The following ARHGAP26 variants were observed in gnomAD, a reference collection of about 807,000 sequenced individuals.
The protein encoded by ARHGAP26 is Rho GTPase activating protein 26, also known as rho GTPase-activating protein 26.
A neutral mutation model predicts 104.8 loss-of-function variants in ARHGAP26; 38 were observed. That is an observed-to-expected ratio of 0.36 (90% CI 0.28 to 0.48). The LOEUF (loss-of-function observed/expected upper bound fraction) is 0.48. ARHGAP26 is among the 20% of genes least tolerant of loss of function. The pLI, the probability that ARHGAP26 is intolerant of heterozygous loss-of-function variation, is 0.99. For synonymous variants in ARHGAP26, 341 were observed against 340.0 expected, an observed-to-expected ratio of 1.00 and a Z score of -0.03; for missense variants, 704 against 947.9, an observed-to-expected ratio of 0.74 and a Z score of 3.38.
intron 18 of ARHGAP26, among the ~76,000 whole-genome samples, chr5:143,121,679 T>G (rs1796152348): frequency 6.6e-6 from 1 of 152,254 alleles, no homozygotes; most frequent in African/African-American, 2.4e-5. Context: ...CTTTATGGTC[T>G]GTCTTTTCTT....
In ARHGAP26 at chr5:142,839,314, A is replaced by T. The variant is rs768038247; in HGVS notation, c.155-34086A>T. On this transcript the variant is annotated intron_variant, in intron 1 of 22. Coordinates refer to ENST00000645722, the MANE Select transcript of ARHGAP26 (RefSeq NM_001135608.3). Reference sequence around the variant, plus strand: ...GTGCCTGGCACATAGCAAGCACTTTACAAGTGTTAGTTATAATAACCCCAT... The same window carrying T: ...GTGCCTGGCACATAGCAAGCACTTTTCAAGTGTTAGTTATAATAACCCCAT... Among the ~76,000 whole-genome samples, 75 of 152,190 alleles carry T rather than the reference A, an allele frequency of 4.9e-4. 1 individual carries two copies. Among genetic ancestry groups the T allele is most frequent in the Non-Finnish European group, 4.3e-4 (29 of 68,034 alleles).
At position 143,087,636 on chromosome 5, in the gene ARHGAP26, C is replaced by CTTTTTTTTTTTTTTTTTTTTTTTT. The variant is rs35201189; in HGVS notation, c.1538+29892_1538+29915dup. On this transcript the variant is annotated intron_variant, in intron 17 of 22. Transcript: ENST00000645722. ...CTCATCTAATTAACCCTGGCCCATT[C>CTTTTTTTTTTTTTTTTTTTTTTTT]TTTTTTTTTTTTTTTTTTTTTTTTT... is the stretch of plus-strand genomic sequence containing the variant. Among the ~76,000 whole-genome samples, 5 of 51,566 alleles carry CTTTTTTTTTTTTTTTTTTTTTTTT rather than the reference C, an allele frequency of 9.7e-5. 2 individuals are homozygous for CTTTTTTTTTTTTTTTTTTTTTTTT. Among genetic ancestry groups the CTTTTTTTTTTTTTTTTTTTTTTTT allele is most frequent in the African/African-American group, 2.3e-4 (3 of 12,782 alleles). The allele number at this position is 51,566 out of a possible 152,430, so 33.8% of individuals were successfully genotyped here. A position where few individuals can be genotyped will look rare whatever the true frequency, so the allele number is the denominator to read the frequency against.
At chr5:143,007,039 A>G (rs1161549026) in intron 11 of ARHGAP26, among the ~76,000 whole-genome samples, 3 of 151,872 alleles carry the variant, frequency 2.0e-5, no homozygotes, top group Non-Finnish European at 2.9e-5. Context: ...GTGAAACCCC[A>G]TCTCTACTAA....
chr5:142,912,687 A>G (rs917398180), intron 9 of ARHGAP26, among the ~76,000 whole-genome samples: 7 of 152,186 alleles, frequency 4.6e-5, no homozygotes, highest in African/African-American at 1.4e-4. Flanking sequence ...CCTGTGGTCT[A>G]ATGGAGAGAG....
intron 11 of ARHGAP26, among the ~76,000 whole-genome samples, chr5:142,962,180 C>CTGG (rs1770369779): frequency 1.3e-5 from 2 of 152,206 alleles, no homozygotes; most frequent in Non-Finnish European, 2.9e-5. Flanking sequence ...ATTTCATGCC[C>CTGG]TACTGAAATG....
At chr5:143,208,693 G>A (rs140224095) in intron 21 of ARHGAP26, among the ~76,000 whole-genome samples, 4 of 152,290 alleles carry the variant, frequency 2.6e-5, no homozygotes, top group South Asian at 2.1e-4. Context: ...CTCCAAACAC[G>A]TGGGTAACCC....
intron 6 of ARHGAP26, among the ~76,000 whole-genome samples, chr5:142,897,216 A>G (rs1053558443): frequency 1.3e-5 from 2 of 152,190 alleles, no homozygotes. Flanking sequence ...AAGTATAACC[A>G]TCGTAGTGTG....
intron 1 of ARHGAP26, chr5:142,868,792 G>A (rs1240608927): frequency 6.6e-6 from 1 of 152,344 alleles, no homozygotes; most frequent in Non-Finnish European, 1.5e-5. Flanking sequence ...TGGGGGTGTG[G>A]GCTAAACCTG....
intron 11 of ARHGAP26, among the ~76,000 whole-genome samples, chr5:142,958,991 T>TA (rs1371116826): frequency 6.6e-6 from 1 of 151,776 alleles, no homozygotes; most frequent in Non-Finnish European, 1.5e-5. Flanking sequence ...TCTAATGTAA[T>TA]AAGGAATTAT....
intron 9 of ARHGAP26, among the ~76,000 whole-genome samples, chr5:142,912,958 G>A (rs1036110587): frequency 1.1e-4 from 16 of 152,178 alleles, no homozygotes; most frequent in African/African-American, 3.9e-4. Flanking sequence ...GACAGATGCG[G>A]TGCCATCATG....
chr5:142,969,840 C>T (rs2152695484), intron 11 of ARHGAP26, among the ~76,000 whole-genome samples: 1 of 152,248 alleles, frequency 6.6e-6, no homozygotes, highest in Middle Eastern at 3.4e-3. Flanking sequence ...CTGTGTTTGC[C>T]TTCCCTTCCT....
intron 17 of ARHGAP26, among the ~76,000 whole-genome samples, chr5:143,118,849 T>C (rs1212836055): frequency 6.6e-6 from 1 of 151,042 alleles, no homozygotes; most frequent in African/African-American, 2.4e-5. Context: ...AAATGACGAG[T>C]TAATGGGTGC....
intron 17 of ARHGAP26, among the ~76,000 whole-genome samples, chr5:143,090,042 G>T (rs1249771142): frequency 6.6e-6 from 1 of 152,230 alleles, no homozygotes; most frequent in East Asian, 1.9e-4. Context: ...ATGAGCTCTT[G>T]AAAATTCTTA....
chr5:143,123,832 G>C (rs915176697), intron 18 of ARHGAP26, among the ~76,000 whole-genome samples: 3 of 152,118 alleles, frequency 2.0e-5, no homozygotes, highest in African/African-American at 7.2e-5. Context: ...CTCCAACCTG[G>C]GTGACAGTGA....
At chr5:143,210,954 T>A (rs1809368356) in intron 21 of ARHGAP26, among the ~76,000 whole-genome samples, 1 of 152,218 alleles carries the variant, frequency 6.6e-6, no homozygotes, top group Non-Finnish European at 1.5e-5. Flanking sequence ...TGAGATATAC[T>A]GTGGAGAATA....
chr5:143,216,996 G>T (rs1321062030), intron 22 of ARHGAP26, among the ~76,000 whole-genome samples: 1 of 152,078 alleles, frequency 6.6e-6, no homozygotes, highest in Non-Finnish European at 1.5e-5. Context: ...TGGGTGGGGT[G>T]GGGGGTCTTT....
At chr5:142,984,316 C>A (rs1429836729) in intron 11 of ARHGAP26, among the ~76,000 whole-genome samples, 1 of 152,142 alleles carries the variant, frequency 6.6e-6, no homozygotes, top group African/African-American at 2.4e-5. Context: ...AATCTTGCTC[C>A]CACATATCAA....
intron 1 of ARHGAP26, among the ~76,000 whole-genome samples, chr5:142,858,090 TGTGTGA>T (rs1352150996): frequency 4.4e-4 from 60 of 137,156 alleles, no homozygotes; most frequent in East Asian, 2.0e-3. Flanking sequence ...TGTGTGTGTG[TGTGTGA>T]GAGAGAGAGA....
chr5:142,860,094 G>C (rs574665064), intron 1 of ARHGAP26: 1 of 152,328 alleles, frequency 6.6e-6, no homozygotes, highest in Admixed American at 6.5e-5. Flanking sequence ...CAGTGCGCCC[G>C]CATGACATCC....
Sources: allele counts gnomAD v4.1 joint callset (sites outside exome capture counted in the v4.1 genomes callset), GRCh38; gene constraint gnomAD v4.1.1; transcripts MANE v1.5; gene names NCBI Gene and HGNC (gene_info 2026-07-23, HGNC 2026-07-21).